Variants in SLC22A23 observed in about 807,000 individuals in gnomAD.
The protein encoded by SLC22A23 is solute carrier family 22 member 23.
SLC22A23 carries 26 observed loss-of-function variants against 61.0 expected under a neutral mutation model. That is an observed-to-expected ratio of 0.43 (90% CI 0.31 to 0.59). The LOEUF is 0.59. SLC22A23 is among the 20% of genes least tolerant of loss of function. SLC22A23 has a pLI of 0.11. For synonymous variants in SLC22A23, 430 were observed against 413.9 expected, an observed-to-expected ratio of 1.04 and a Z score of -0.47; for missense variants, 796 against 934.7, an observed-to-expected ratio of 0.85 and a Z score of 1.94.
rs142404144 is a variant in SLC22A23, at chr6:3,431,522, T to C, written c.655-15667A>G. 3.6e-4 allele frequency among the ~76,000 whole-genome samples: 55 copies of C among 152,336 alleles called. 1 individual carries two copies. The East Asian group carries it at 0.01, about 28-fold the overall frequency. On this transcript the variant is annotated intron_variant, in intron 1 of 9. Transcript: ENST00000406686. ...GTCCTCAATTAACAGGTTGAAGTTA[T>C]GGATGAGCTCAGAAAGAGTAGGGTC...
At chr6:3,393,342 A>G (rs1767788922) in intron 3 of SLC22A23, among the ~76,000 whole-genome samples, 1 of 152,216 alleles carries the variant, frequency 6.6e-6, no homozygotes, top group East Asian at 1.9e-4. Flanking sequence ...GGGCCCATCC[A>G]ATATAATAGC....
At position 3,317,908 on chromosome 6, in the gene SLC22A23, C is replaced by G. The variant is rs1762733520; in HGVS notation, c.1082+5926G>C. On this transcript the variant is annotated intron_variant, in intron 4 of 9. Coordinates refer to ENST00000406686, the MANE Select transcript of SLC22A23 (RefSeq NM_015482.2). The surrounding 1 kb of genome is among the most constrained non-coding windows in gnomAD (Gnocchi z 4.4). ...AAGCCCAGCCGATCCTGCCATGGCC[C>G]AGAAGGCTCAACATATTATAAGCAT... is the stretch of plus-strand genomic sequence containing the variant. Among the ~76,000 whole-genome samples the G allele has an allele frequency of 6.6e-6, 1 of 152,188 alleles. No homozygotes were observed.
At chr6:3,332,772 G>GT (rs918098354) in intron 3 of SLC22A23, among the ~76,000 whole-genome samples, 13 of 149,376 alleles carry the variant, frequency 8.7e-5, no homozygotes, top group South Asian at 4.2e-4. Context: ...TCTCTTTATA[G>GT]TTTTTTTTTT....
intron 1 of SLC22A23, among the ~76,000 whole-genome samples, chr6:3,436,808 C>T (rs1771244375): frequency 6.6e-6 from 1 of 152,218 alleles, no homozygotes; most frequent in South Asian, 2.1e-4. Flanking sequence ...CTGCTCAGGA[C>T]ATGCCTGGTG....
intron 4 of SLC22A23, among the ~76,000 whole-genome samples, chr6:3,316,320 C>T (rs921418488): frequency 1.3e-5 from 2 of 152,156 alleles, no homozygotes; most frequent in Non-Finnish European, 2.9e-5. Context: ...CTAAGGAATT[C>T]GAGAGTACTA....
chr6:3,297,756 C>T lies in SLC22A23; in HGVS notation c.1210+335G>A, dbSNP rs9405626. Among the ~76,000 whole-genome samples the T allele has an allele frequency of 2.6e-5, 4 of 152,030 alleles. No homozygotes were observed. Among genetic ancestry groups the T allele is most frequent in the South Asian group, 2.1e-4 (1 of 4,830 alleles). The stretch of plus-strand genomic sequence containing the variant: ...AGGGGCCATCTACACCCTGAGCCAG[C>T]GCTCTGGCAGTGTTTAGACCTGGCA... On this transcript the variant is annotated intron_variant, in intron 5 of 9. Coordinates refer to ENST00000406686, the MANE Select transcript of SLC22A23 (RefSeq NM_015482.2). The surrounding 1 kb of genome is among the most constrained non-coding windows in gnomAD (Gnocchi z 4.3).
chr6:3,374,891 T>G (rs1766460984), intron 3 of SLC22A23, among the ~76,000 whole-genome samples: 1 of 152,210 alleles, frequency 6.6e-6, no homozygotes, highest in African/African-American at 2.4e-5. Context: ...TTTAGGATTC[T>G]AATAGACTCA....
At chr6:3,323,506 G>A in intron 4 of SLC22A23, 1 of 428,624 alleles carries the variant, frequency 2.3e-6, no homozygotes, top group Non-Finnish European at 4.4e-6. Flanking sequence ...CCACCTCCCT[G>A]CAATCCATTC....
chr6:3,357,056 C>CAAAAAAAAA (rs66509026), intron 3 of SLC22A23, among the ~76,000 whole-genome samples: 1 of 86,060 alleles, frequency 1.2e-5, no homozygotes, highest in Non-Finnish European at 2.2e-5. Context: ...AAAACAGAGC[C>CAAAAAAAAA]AAAAAAAAAA....
intron 3 of SLC22A23, among the ~76,000 whole-genome samples, chr6:3,350,823 C>G (rs993720186): frequency 6.6e-6 from 1 of 152,172 alleles, no homozygotes; most frequent in South Asian, 2.1e-4. Context: ...AGAGAGAAAA[C>G]AAATGGAATT....
Position 3,372,354 on chromosome 6 carries a change from C to T in SLC22A23, c.913+37834G>A, listed in dbSNP as rs539694681. On this transcript the variant is annotated intron_variant, in intron 3 of 9. Transcript: ENST00000406686. The surrounding 1 kb of genome is among the most constrained non-coding windows in gnomAD (Gnocchi z 4.7). ...TGTGGAATAAAAGTGGCAAGATGCA[C>T]GAAGGTCTAAGCCTGCAGGCTCCTC... 1.3e-3 allele frequency among the ~76,000 whole-genome samples: 202 copies of T among 152,264 alleles called. 3 individuals are homozygous for T. Among genetic ancestry groups the T allele is most frequent in the African/African-American group, 4.7e-3 (197 of 41,546 alleles).
Position 3,272,636 on chromosome 6 carries a change from GCCTGGGGGGCT to G in SLC22A23, c.*408_*418del, listed in dbSNP as rs1382293947. 3.2e-5 allele frequency: 5 copies of G among 155,788 alleles called. No homozygotes were observed. 9.7% of individuals were successfully genotyped at this position (155,788 alleles called of 1,614,324 possible). A position where few individuals can be genotyped will look rare whatever the true frequency, so the allele number is the denominator to read the frequency against. On this transcript the variant is annotated 3_prime_UTR_variant, in exon 10 of 10. Coordinates refer to ENST00000406686, the MANE Select transcript of SLC22A23 (RefSeq NM_015482.2). ...TCCTGCCTCTGCACGCAGGCAGGCA[GCCTGGGGGGCT>G]CCTGGGTGCTGCCAGGAGCCGTGTC... is the stretch of plus-strand genomic sequence containing the variant.
At chr6:3,301,957 C>T (rs1000931209) in intron 4 of SLC22A23, among the ~76,000 whole-genome samples, 7 of 152,170 alleles carry the variant, frequency 4.6e-5, no homozygotes, top group Admixed American at 6.5e-5. Flanking sequence ...CCTTGTAAAA[C>T]GAGTTGGAAG....
chr6:3,303,864 C>T (rs932763575), intron 4 of SLC22A23, among the ~76,000 whole-genome samples: 1 of 152,116 alleles, frequency 6.6e-6, no homozygotes, highest in Non-Finnish European at 1.5e-5. Flanking sequence ...AAATGATAAA[C>T]GTTTGAGAGA....
At chr6:3,288,768 TGGCCAA>T (rs1760290651) in intron 6 of SLC22A23, among the ~76,000 whole-genome samples, 1 of 152,178 alleles carries the variant, frequency 6.6e-6, no homozygotes, top group South Asian at 2.1e-4. Flanking sequence ...AGCAGCAGAG[TGGCCAA>T]GGCTGAGGCC....
At chr6:3,364,388 C>T (rs189572451) in intron 3 of SLC22A23, among the ~76,000 whole-genome samples, 1 of 152,318 alleles carries the variant, frequency 6.6e-6, no homozygotes, top group African/African-American at 2.4e-5. Context: ...AAGGTCTCAA[C>T]TGTAGGACCT....
rs181033142 is a variant in SLC22A23, at chr6:3,330,897, C to T, written c.914-6895G>A. On this transcript the variant is annotated intron_variant, in intron 3 of 9. Transcript: ENST00000406686. This position sits in a 1 kb window ranked among gnomAD's most constrained non-coding sequence, Gnocchi z 4.7. ...AAATCACATTCCAGTGTCTGCCAGACATGTAGACATAGGCATTAAATGCTC... is the reference window on the plus strand; with the variant it reads ...AAATCACATTCCAGTGTCTGCCAGATATGTAGACATAGGCATTAAATGCTC... Among the ~76,000 whole-genome samples the T allele has an allele frequency of 5.5e-4, 84 of 152,326 alleles. No homozygotes were observed. The highest frequency in any genetic ancestry group is 2.0e-3 in the African/African-American group (82 of 41,578).
chr6:3,284,175 T>C (rs1759750901), intron 8 of SLC22A23, 200 bp from the exon 9 acceptor site: 4 of 491,796 alleles, frequency 8.1e-6, no homozygotes, highest in Admixed American at 3.4e-5. Context: ...GTGGGGCTTC[T>C]ATGAGTCCCT....
intron 3 of SLC22A23, among the ~76,000 whole-genome samples, chr6:3,381,862 C>A (rs1189419501): frequency 6.6e-6 from 1 of 152,214 alleles, no homozygotes; most frequent in East Asian, 1.9e-4. Flanking sequence ...GCAAGACACA[C>A]CCCTCACAAT....
Sources: allele counts gnomAD v4.1 joint callset (sites outside exome capture counted in the v4.1 genomes callset), GRCh38; gene constraint gnomAD v4.1.1; non-coding constraint Gnocchi (gnomAD v3.1); transcripts MANE v1.5; gene names NCBI Gene and HGNC (gene_info 2026-07-23, HGNC 2026-07-21).